Variants in NR5A2 observed in about 807,000 individuals in gnomAD.
NR5A2 encodes nuclear receptor subfamily 5 group A member 2.
A neutral mutation model predicts 62.7 loss-of-function variants in NR5A2; 26 were observed. That is an observed-to-expected ratio of 0.41 (90% CI 0.30 to 0.58). The LOEUF (loss-of-function observed/expected upper bound fraction) is 0.58. NR5A2 is among the 20% of genes least tolerant of loss of function. NR5A2 has a pLI of 0.22. For missense variants in NR5A2, 541 were observed against 669.1 expected, an observed-to-expected ratio of 0.81 and a Z score of 2.11; for synonymous variants, 246 against 241.7, an observed-to-expected ratio of 1.02 and a Z score of -0.16.
chr1:200,134,651 T>TTTC (rs1667136592), intron 7 of NR5A2, among the ~76,000 whole-genome samples: 1 of 152,212 alleles, frequency 6.6e-6, no homozygotes, highest in South Asian at 2.1e-4. Context: ...TAAGAATTGA[T>TTTC]AGCACACCTG....
chr1:200,110,026 A>G (rs1013292862), intron 5 of NR5A2, among the ~76,000 whole-genome samples: 2 of 152,172 alleles, frequency 1.3e-5, no homozygotes, highest in South Asian at 4.1e-4. Flanking sequence ...CAGCCTCCCA[A>G]AGTGCTAGGA....
chr1:200,154,298 T>C (rs1176985715), intron 7 of NR5A2, among the ~76,000 whole-genome samples: 3 of 152,214 alleles, frequency 2.0e-5, no homozygotes, highest in Non-Finnish European at 4.4e-5. Context: ...TGTTATTTCC[T>C]GTGTTAGACT....
intron 1 of NR5A2, among the ~76,000 whole-genome samples, chr1:200,037,013 A>G (rs758240983): frequency 1.3e-5 from 2 of 152,112 alleles, no homozygotes; most frequent in Non-Finnish European, 2.9e-5. Flanking sequence ...TTTCCTGGAA[A>G]GTCCACCTGT....
intron 1 of NR5A2, among the ~76,000 whole-genome samples, chr1:200,038,965 T>A (rs1661913877): frequency 6.6e-6 from 1 of 151,846 alleles, no homozygotes; most frequent in African/African-American, 2.4e-5. Flanking sequence ...CAATCCAGCC[T>A]TCCCCCAACC....
Position 200,140,061 on chromosome 1 carries a change from T to C in NR5A2, c.1378+19106T>C, listed in dbSNP as rs4915408. Among the ~76,000 whole-genome samples, 3,103 of 152,316 alleles carry C rather than the reference T, an allele frequency of 0.02. 215 individuals carry two copies. The East Asian group carries it at 0.25, about 12-fold the overall frequency. On this transcript the variant is annotated intron_variant, in intron 7 of 7. Transcript: ENST00000367362. ...ATAAGATGATTTCACTATGAGGTTA[T>C]GCATATTACTGAAACTTTCTTTTGA...
chr1:200,102,082 G>A (rs1229706667), intron 5 of NR5A2, among the ~76,000 whole-genome samples: 1 of 152,182 alleles, frequency 6.6e-6, no homozygotes, highest in East Asian at 1.9e-4. Context: ...TTTAATAAGT[G>A]ACACTAGCAT....
chr1:200,028,891 T>G (rs1158737184), intron 1 of NR5A2: 1 of 244,616 alleles, frequency 4.1e-6, no homozygotes, highest in Non-Finnish European at 8.3e-6. Context: ...TGCAGTGGAG[T>G]CACAGATTGC....
chr1:200,101,753 C>T (rs140745944), intron 5 of NR5A2, among the ~76,000 whole-genome samples: 16 of 152,226 alleles, frequency 1.1e-4, no homozygotes, highest in East Asian at 5.8e-4. Flanking sequence ...ACCAGGACTG[C>T]GGTGACAAAA....
At chr1:200,042,307 G>A (rs1344604163) in intron 2 of NR5A2, among the ~76,000 whole-genome samples, 1 of 152,122 alleles carries the variant, frequency 6.6e-6, no homozygotes, top group Non-Finnish European at 1.5e-5. Context: ...GGGTCTGCGC[G>A]CAGTCCTTAG....
chr1:200,135,791 GCA>G (rs2102336641), intron 7 of NR5A2, among the ~76,000 whole-genome samples: 1 of 152,238 alleles, frequency 6.6e-6, no homozygotes, highest in East Asian at 1.9e-4. Context: ...ATAATGGCTG[GCA>G]CATAGTATTA....
At chr1:200,169,961 T>C (rs1471829173) in intron 7 of NR5A2, among the ~76,000 whole-genome samples, 1 of 152,180 alleles carries the variant, frequency 6.6e-6, no homozygotes, top group African/African-American at 2.4e-5. Context: ...CTCATATCCA[T>C]CTCTTTTCCT....
chr1:200,140,060 A>T (rs1216022852), intron 7 of NR5A2, among the ~76,000 whole-genome samples: 1 of 152,192 alleles, frequency 6.6e-6, no homozygotes, highest in Admixed American at 6.5e-5. Flanking sequence ...CTATGAGGTT[A>T]TGCATATTAC....
chr1:200,137,236 T>C (rs1292077517), intron 7 of NR5A2, among the ~76,000 whole-genome samples: 1 of 151,958 alleles, frequency 6.6e-6, no homozygotes, highest in East Asian at 1.9e-4. Flanking sequence ...CTGCAACCTC[T>C]GTCTCCCAGG....
chr1:200,104,085 G>C (rs1665527228), intron 5 of NR5A2, among the ~76,000 whole-genome samples: 1 of 152,112 alleles, frequency 6.6e-6, no homozygotes, highest in Non-Finnish European at 1.5e-5. Flanking sequence ...CATGGAAAGG[G>C]GCCAGCATAG....
At chr1:200,133,266 A>G (rs1251321021) in intron 7 of NR5A2, among the ~76,000 whole-genome samples, 2 of 151,882 alleles carry the variant, frequency 1.3e-5, no homozygotes, top group Non-Finnish European at 2.9e-5. Context: ...CATGCTGGGT[A>G]CCCTGAACTT....
intron 7 of NR5A2, among the ~76,000 whole-genome samples, chr1:200,137,661 A>G (rs1201315212): frequency 6.6e-6 from 1 of 152,232 alleles, no homozygotes; most frequent in Non-Finnish European, 1.5e-5. Context: ...AATGAAGATT[A>G]AAACATGAAT....
chr1:200,056,541 G>GT (rs1011768322), intron 5 of NR5A2, among the ~76,000 whole-genome samples: 3 of 152,042 alleles, frequency 2.0e-5, no homozygotes, highest in Non-Finnish European at 2.9e-5. Context: ...TGTCCTTAGA[G>GT]TTTTTTTTGT....
At position 200,118,173 on chromosome 1, in the gene NR5A2, C is replaced by G. The variant is rs371764456; in HGVS notation, c.1231-2635C>G. Reference sequence around the variant, plus strand: ...CTGGGATTACAGGCATGTACCACCACGCCCAGCTAATTTCTGTATTTTTAG... The same window carrying G: ...CTGGGATTACAGGCATGTACCACCAGGCCCAGCTAATTTCTGTATTTTTAG... On this transcript the variant is annotated intron_variant, in intron 6 of 7. Transcript: ENST00000367362. Among the ~76,000 whole-genome samples, 8 of 151,094 alleles carry G rather than the reference C, an allele frequency of 5.3e-5. No homozygotes were observed. The South Asian group carries it at 1.7e-3, about 32-fold the overall frequency.
intron 1 of NR5A2, among the ~76,000 whole-genome samples, chr1:200,030,667 A>G (rs1319345013): frequency 6.6e-6 from 1 of 152,358 alleles, no homozygotes; most frequent in South Asian, 2.1e-4. Flanking sequence ...TGTTATACAT[A>G]AAACAAATAT....
Sources: allele counts gnomAD v4.1 joint callset (sites outside exome capture counted in the v4.1 genomes callset), GRCh38; gene constraint gnomAD v4.1.1; transcripts MANE v1.5; gene names NCBI Gene and HGNC (gene_info 2026-07-23, HGNC 2026-07-21).